Variants in OSBPL9 observed in about 807,000 individuals in gnomAD.
OSBPL9 encodes oxysterol-binding protein-related protein 9.
Under a neutral mutation model 106.6 loss-of-function variants are expected in OSBPL9, and 40 were observed. The ratio of observed to expected loss-of-function variants is 0.38; its 90% CI spans 0.29 to 0.49. OSBPL9 has a LOEUF of 0.49. Ranked by LOEUF, OSBPL9 falls within the 20% of genes least tolerant of loss-of-function variation. OSBPL9 has a pLI of 0.97. For synonymous variants in OSBPL9, 269 were observed against 295.4 expected, an observed-to-expected ratio of 0.91 and a Z score of 0.92; for missense variants, 609 against 887.2, an observed-to-expected ratio of 0.69 and a Z score of 3.98.
intron 11 of OSBPL9, 129 bp from the exon 12 acceptor site, chr1:51,765,693 A>C (rs1339053441): frequency 1.8e-5 from 14 of 762,262 alleles, no homozygotes; most frequent in East Asian, 5.8e-5. Context: ...TTTCTTTATA[A>C]ATACTGTAGC....
chr1:51,753,262 G>A (rs543031079), intron 8 of OSBPL9, among the ~76,000 whole-genome samples: 2 of 152,210 alleles, frequency 1.3e-5, no homozygotes, highest in South Asian at 4.2e-4. Context: ...TTGAATCCAA[G>A]CCCCACCACT....
intron 14 of OSBPL9, among the ~76,000 whole-genome samples, chr1:51,775,629 G>A (rs563161530): frequency 6.6e-6 from 1 of 150,552 alleles, no homozygotes; most frequent in African/African-American, 2.4e-5. Context: ...TATTTATTTA[G>A]AGATGGGGTC....
chr1:51,541,118 G>A, the OSBPL9 span, among the ~76,000 whole-genome samples: 1 of 152,038 alleles, frequency 6.6e-6, no homozygotes. Context: ...GCAACAGAGT[G>A]AGACTCTGTC....
intron 3 of OSBPL9, among the ~76,000 whole-genome samples, chr1:51,711,516 C>G (rs1248743920): frequency 5.4e-5 from 1 of 18,474 alleles, no homozygotes; most frequent in Non-Finnish European, 1.1e-4. Flanking sequence ...GGGGGGCTGA[C>G]CCCCCACCTC....
At chr1:51,608,731 A>G (rs1379578278) in intron 2 of OSBPL9, among the ~76,000 whole-genome samples, 7 of 151,452 alleles carry the variant, frequency 4.6e-5, no homozygotes, top group Non-Finnish European at 8.8e-5. Context: ...CTACTCTAAC[A>G]TATAGGCTAA....
intron 1 of OSBPL9, among the ~76,000 whole-genome samples, chr1:51,648,551 G>C (rs1646310829): frequency 6.6e-6 from 1 of 152,180 alleles, no homozygotes; most frequent in Non-Finnish European, 1.5e-5. Flanking sequence ...TCTGGTGAAA[G>C]CAGTCACACC....
intron 3 of OSBPL9, among the ~76,000 whole-genome samples, chr1:51,705,475 G>T (rs1487601871): frequency 7.6e-6 from 1 of 132,070 alleles, no homozygotes; most frequent in Non-Finnish European, 1.5e-5. Context: ...GTGCAATGGC[G>T]TGATCTCAGC....
chr1:51,678,387 G>A (rs1397976884), intron 3 of OSBPL9, among the ~76,000 whole-genome samples: 1 of 152,162 alleles, frequency 6.6e-6, no homozygotes, highest in Non-Finnish European at 1.5e-5. Context: ...GTGGCCGGGT[G>A]CAGTGGCTCA....
intron 2 of OSBPL9, among the ~76,000 whole-genome samples, chr1:51,602,419 A>ATTTTTTTTTTTTT: frequency 9.6e-6 from 1 of 104,658 alleles, no homozygotes; most frequent in Middle Eastern, 6.8e-3. Context: ...TTTTTTTTTA[A>ATTTTTTTTTTTTT]TTTTTTTTTT....
At position 51,737,545 on chromosome 1, in the gene OSBPL9, GGTGTGTGTGT is replaced by G. The variant is rs57886494; in HGVS notation, c.319-7962_319-7953del. The stretch of plus-strand genomic sequence containing the variant: ...TTTGTTTCATGTGTTATATTTCAGG[GGTGTGTGTGT>G]GTGTGTGTGTGTGTGTGTGTGTGTG... On this transcript the variant is annotated intron_variant, in intron 4 of 23. Coordinates refer to ENST00000428468, the MANE Select transcript of OSBPL9 (RefSeq NM_024586.6). Among the ~76,000 whole-genome samples, 1,098 of 142,528 alleles carry G rather than the reference GGTGTGTGTGT, an allele frequency of 7.7e-3. 9 individuals carry two copies. The highest frequency in any genetic ancestry group is 0.026 in the African/African-American group (1,004 of 38,670). The allele number at this position is 142,528 out of a possible 152,430, so 93.5% of individuals were successfully genotyped here. A position where few individuals can be genotyped will look rare whatever the true frequency, so the allele number is the denominator to read the frequency against.
At chr1:51,712,562 A>G (rs1201681450) in intron 3 of OSBPL9, among the ~76,000 whole-genome samples, 6 of 152,170 alleles carry the variant, frequency 3.9e-5, no homozygotes, top group Non-Finnish European at 7.3e-5. Flanking sequence ...GAACTCATCT[A>G]TTAAATTCTT....
chr1:51,672,724 A>G (rs934189678), intron 3 of OSBPL9, among the ~76,000 whole-genome samples: 21 of 152,152 alleles, frequency 1.4e-4, no homozygotes, highest in Non-Finnish European at 5.9e-5. Flanking sequence ...ATTTATTCTG[A>G]AGGTTGAGCT....
At chr1:51,712,093 A>G (rs1457896297) in intron 3 of OSBPL9, among the ~76,000 whole-genome samples, 16 of 152,050 alleles carry the variant, frequency 1.1e-4, no homozygotes, top group Non-Finnish European at 2.1e-4. Flanking sequence ...GCGAGCCGAG[A>G]TCACGCCACT....
intron 2 of OSBPL9, among the ~76,000 whole-genome samples, chr1:51,604,322 G>A (rs1643920083): frequency 1.3e-5 from 2 of 152,086 alleles, no homozygotes; most frequent in African/African-American, 4.8e-5. Flanking sequence ...TTGGGAGACC[G>A]AGGTGGGTGG....
At chr1:51,652,071 A>T (rs1326876300) in intron 2 of OSBPL9, 30 bp downstream of exon 2, 1 of 1,522,752 alleles carries the variant, frequency 6.6e-7, no homozygotes, top group Non-Finnish European at 9.0e-7. Flanking sequence ...TATGAAAATC[A>T]ATTTTGACAG....
At chr1:51,588,476 T>G (rs1354615282) in intron 1 of OSBPL9, among the ~76,000 whole-genome samples, 2 of 152,150 alleles carry the variant, frequency 1.3e-5, no homozygotes. Context: ...CTGGGCCACA[T>G]AGCAAGACCC....
the OSBPL9 span, among the ~76,000 whole-genome samples, chr1:51,530,178 A>AAAAAAAAAAAAAAAC: frequency 2.6e-5 from 3 of 113,334 alleles, no homozygotes; most frequent in Non-Finnish European, 5.4e-5. Flanking sequence ...CTCAAAAAAA[A>AAAAAAAAAAAAAAAC]AAAAAAAAAA....
At chr1:51,519,186 C>T in the OSBPL9 span, 2 of 1,418,614 alleles carry the variant, frequency 1.4e-6, no homozygotes, top group Non-Finnish European at 1.9e-6. Context: ...GGCGGACGGG[C>T]GTGTGGCGTT....
chr1:51,711,497 TG>T (rs1407637169), intron 3 of OSBPL9, among the ~76,000 whole-genome samples: 11 of 132,100 alleles, frequency 8.3e-5, no homozygotes, highest in East Asian at 2.3e-4. Context: ...ACGGGGCGGC[TG>T]GCCGGGCGGG....
Sources: allele counts gnomAD v4.1 joint callset (sites outside exome capture counted in the v4.1 genomes callset), GRCh38; gene constraint gnomAD v4.1.1; transcripts MANE v1.5; gene names NCBI Gene and HGNC (gene_info 2026-07-23, HGNC 2026-07-21).